B3GALT1: variants seen among roughly 807,000 people sequenced by gnomAD.
B3GALT1 encodes UDP-Gal:betaGlcNAc beta 1,3-galactosyltransferase, polypeptide 1.
In B3GALT1, 10 loss-of-function variants were observed where a neutral mutation model predicts 23.2. The ratio of observed to expected loss-of-function variants is 0.43; its 90% CI spans 0.27 to 0.73. B3GALT1 has a LOEUF of 0.73. B3GALT1 is among the 30% of genes least tolerant of loss of function. B3GALT1 has a pLI of 0.21. For missense variants in B3GALT1, 299 were observed against 405.4 expected (o/e 0.74, Z 2.25); for synonymous variants, 156 against 141.5 (o/e 1.10, Z -0.73).
At chr2:167,665,282 T>C (rs1369785888) in intron 3 of B3GALT1, among the ~76,000 whole-genome samples, 1 of 133,310 alleles carries the variant, frequency 7.5e-6, no homozygotes, top group Non-Finnish European at 1.6e-5. Flanking sequence ...TTTGCGTATA[T>C]TGAACCAGCC....
At chr2:167,318,336 C>G (rs1696751000) in intron 1 of B3GALT1, among the ~76,000 whole-genome samples, 1 of 151,898 alleles carries the variant, frequency 6.6e-6, no homozygotes, top group Non-Finnish European at 1.5e-5. Flanking sequence ...AACAAACAAA[C>G]AAACAATTAA....
chr2:167,704,050 A>C (rs564676364), intron 3 of B3GALT1, among the ~76,000 whole-genome samples: 1 of 151,952 alleles, frequency 6.6e-6, no homozygotes, highest in East Asian at 1.9e-4. Flanking sequence ...GTGTGGTATC[A>C]GGCGCCTGTA....
intron 2 of B3GALT1, among the ~76,000 whole-genome samples, chr2:167,516,111 C>T (rs561683195): frequency 6.6e-5 from 10 of 152,146 alleles, no homozygotes; most frequent in East Asian, 1.9e-4. Flanking sequence ...CCACCACCAC[C>T]GCAATTTAAC....
chr2:167,778,032 T>C (rs1314078631), intron 3 of B3GALT1, among the ~76,000 whole-genome samples: 2 of 152,090 alleles, frequency 1.3e-5, no homozygotes, highest in East Asian at 3.9e-4. Flanking sequence ...AAGTTGTCAA[T>C]AGTTCTAAGC....
chr2:167,547,514 G>A (rs1683659231), intron 2 of B3GALT1, among the ~76,000 whole-genome samples: 1 of 151,944 alleles, frequency 6.6e-6, no homozygotes, highest in South Asian at 2.1e-4. Flanking sequence ...GGCCAACATG[G>A]CAAAACCCCT....
intron 1 of B3GALT1, among the ~76,000 whole-genome samples, chr2:167,363,277 C>T (rs1697527496): frequency 6.6e-6 from 1 of 151,520 alleles, no homozygotes; most frequent in Non-Finnish European, 1.5e-5. Context: ...TCAGCTGGGC[C>T]CTTAATATTT....
chr2:167,422,094 T>A (rs1326187697), intron 1 of B3GALT1, among the ~76,000 whole-genome samples: 3 of 88,744 alleles, frequency 3.4e-5, no homozygotes, highest in Admixed American at 1.5e-4. Context: ...AGAGGGGGAG[T>A]GCAAAGGGGA....
chr2:167,487,893 C>G (rs1362401533), intron 1 of B3GALT1, among the ~76,000 whole-genome samples: 1 of 152,132 alleles, frequency 6.6e-6, no homozygotes, highest in Non-Finnish European at 1.5e-5. Flanking sequence ...TGCAAATCCC[C>G]CATTGGCAGC....
At chr2:167,596,505 A>G (rs1016294016) in intron 2 of B3GALT1, among the ~76,000 whole-genome samples, 3 of 152,212 alleles carry the variant, frequency 2.0e-5, no homozygotes, top group African/African-American at 7.2e-5. Flanking sequence ...GAATATTCCT[A>G]CACACTTTAA....
intron 1 of B3GALT1, among the ~76,000 whole-genome samples, chr2:167,344,560 A>G (rs1023723927): frequency 6.6e-6 from 1 of 152,178 alleles, no homozygotes; most frequent in African/African-American, 2.4e-5. Flanking sequence ...GCCAAGTAGA[A>G]AAAAAGAGAG....
chr2:167,525,832 T>C (rs1396712982), intron 2 of B3GALT1, among the ~76,000 whole-genome samples: 2 of 151,722 alleles, frequency 1.3e-5, no homozygotes, highest in African/African-American at 4.8e-5. Context: ...CAGGTAGGTC[T>C]CAAACTCCTC....
At chr2:167,824,456 A>G (rs915859485) in intron 4 of B3GALT1, among the ~76,000 whole-genome samples, 3 of 152,194 alleles carry the variant, frequency 2.0e-5, no homozygotes, top group Non-Finnish European at 4.4e-5. Context: ...GCTTGAGAGA[A>G]GTAGAGATAT....
chr2:167,827,679 C>T (rs139666148), intron 4 of B3GALT1, among the ~76,000 whole-genome samples: 2 of 152,278 alleles, frequency 1.3e-5, no homozygotes, highest in East Asian at 3.9e-4. Flanking sequence ...CTCGGATGCT[C>T]TATATCCAAA....
Position 167,804,574 on chromosome 2 carries a change from G to A in B3GALT1, c.-351-14098G>A, listed in dbSNP as rs761761873. The stretch of plus-strand genomic sequence containing the variant: ...TTCCCACCTATGAGTGAGAACATGC[G>A]GTGTTTGGTTTTTTGTCCTTGAGAT... On this transcript the variant is annotated intron_variant, in intron 3 of 4. Coordinates refer to ENST00000392690, the MANE Select transcript of B3GALT1 (RefSeq NM_020981.4). Among the ~76,000 whole-genome samples the A allele has an allele frequency of 3.7e-3, 559 of 152,038 alleles. 2 individuals carry two copies. The highest frequency in any genetic ancestry group is 5.6e-3 in the Non-Finnish European group (384 of 67,998).
At chr2:167,658,797 A>G (rs1686003219) in intron 3 of B3GALT1, among the ~76,000 whole-genome samples, 1 of 152,120 alleles carries the variant, frequency 6.6e-6, no homozygotes, top group South Asian at 2.1e-4. Context: ...ACAATATGAC[A>G]TATAGGAGTG....
intron 1 of B3GALT1, among the ~76,000 whole-genome samples, chr2:167,472,619 A>T (rs1699433171): frequency 6.6e-6 from 1 of 152,048 alleles, no homozygotes; most frequent in Non-Finnish European, 1.5e-5. Context: ...CGTCTACCAA[A>T]TTGTCACTGT....
intron 3 of B3GALT1, among the ~76,000 whole-genome samples, chr2:167,732,282 A>G (rs371222899): frequency 5.9e-5 from 9 of 152,332 alleles, no homozygotes; most frequent in African/African-American, 1.9e-4. Flanking sequence ...ATATTGTAAA[A>G]TATTATGGTA....
At chr2:167,788,770 C>G (rs1688384010) in intron 3 of B3GALT1, among the ~76,000 whole-genome samples, 1 of 152,032 alleles carries the variant, frequency 6.6e-6, no homozygotes, top group Non-Finnish European at 1.5e-5. Context: ...AAAATGAGAC[C>G]CTTCTAATGT....
At chr2:167,301,032 T>G (rs1260577789) in intron 1 of B3GALT1, among the ~76,000 whole-genome samples, 1 of 152,184 alleles carries the variant, frequency 6.6e-6, no homozygotes, top group African/African-American at 2.4e-5. Flanking sequence ...AGGCTCATAT[T>G]CATCATTTTA....
Sources: gnomAD v4.1 joint callset for allele counts (sites outside exome capture counted in the v4.1 genomes callset) on GRCh38, gnomAD v4.1.1 for gene constraint, MANE v1.5 for transcripts, NCBI Gene and HGNC (gene_info 2026-07-23, HGNC 2026-07-21) for gene names.